The following TLX3 variants were observed in gnomAD, a reference collection of about 807,000 sequenced individuals.
TLX3 encodes T-cell leukemia homeobox protein 3.
A neutral mutation model predicts 19.6 loss-of-function variants in TLX3; 11 were observed. The ratio of observed to expected loss-of-function variants is 0.56; its 90% CI spans 0.35 to 0.93. TLX3 has a LOEUF of 0.93. Ranked by LOEUF, TLX3 falls within the 40% of genes least tolerant of loss-of-function variation. The pLI, the probability that TLX3 is intolerant of heterozygous loss-of-function variation, is 0.01. For missense variants in TLX3, 375 were observed against 418.6 expected (o/e 0.90, Z 0.91); for synonymous variants, 221 against 188.1 (o/e 1.17, Z -1.43).
In TLX3 at chr5:171,309,517, G is replaced by A. The variant is rs200774344; in HGVS notation, c.152G>A (p.Arg51His). 546 of 1,564,258 alleles carry A rather than the reference G, an allele frequency of 3.5e-4. 4 individuals are homozygous for A. The African/African-American group carries it at 6.5e-3, about 19-fold the overall frequency. The part of the protein sequence containing the change: ...ASYLGGPPGG[R>H]PGATYPSLPA... Reference sequence around the variant, plus strand: ...TACCTGGGAGGGCCCCCCGGGGGCCGTCCGGGCGCCACATACCCGTCTCTG... The same window carrying A: ...TACCTGGGAGGGCCCCCCGGGGGCCATCCGGGCGCCACATACCCGTCTCTG... Residue 51 changes from arginine to histidine, a missense_variant, in exon 1 of 3, where the codon CGT (arginine) becomes CAT (histidine). This residue lies in a region of TLX3 where 239 missense variants were observed against 217.0 expected (regional missense o/e 1.10). Transcript: ENST00000296921.
Position 171,309,976 on chromosome 5 carries a change from G to A in TLX3, c.422-174G>A, listed in dbSNP as rs572661577. On this transcript the variant is annotated intron_variant, in intron 1 of 2. Transcript: ENST00000296921. ...TGCAGGAAAATAAGCCCGTGCCCGG[G>A]GGAAGGGACAGGGGGCGAGGGGGTC... Among the ~76,000 whole-genome samples, 467 of 152,378 alleles carry A rather than the reference G, an allele frequency of 3.1e-3. 4 individuals are homozygous for A. The highest frequency in any genetic ancestry group is 0.011 in the African/African-American group (448 of 41,594).
Position 171,310,317 on chromosome 5 carries a change from G to T in TLX3, c.589G>T (p.Ala197Ser). ...GAAGTACCTGGCCTCTGCCGAGAGG[G>T]CGGCGCTCGCCAAGTCCCTCAAAAT... ...RQKYLASAER[A>S]ALAKSLKMTD... The change falls in exon 2 of 3, where the codon GCG becomes TCG. Residue 197 changes from alanine to serine, a missense_variant. Transcript: ENST00000296921. 2 of 1,609,366 alleles carry T rather than the reference G, an allele frequency of 1.2e-6. No individual in the cohort carries two copies. Among genetic ancestry groups the T allele is most frequent in the Non-Finnish European group, 1.7e-6 (2 of 1,178,034 alleles).
chr5:171,311,573 G>C lies in TLX3; in HGVS notation c.850G>C (p.Val284Leu). ...GCCCTGGGAGGAGGATAGTTCCAAG[G>C]TTCCCGCTGTCACCTCCCTGGTGTG... ...LQPWEEDSSK[V>L]PAVTSLV is the part of the protein sequence containing the mutation. The change falls in exon 3 of 3, where the codon GTT becomes CTT. Residue 284 changes from valine to leucine, a missense_variant. This residue lies in a region of TLX3 where 62 missense variants were observed against 63.1 expected (regional missense o/e 0.98). Coordinates refer to ENST00000296921, the MANE Select transcript of TLX3 (RefSeq NM_021025.4). The surrounding 1 kb of genome is among the most constrained non-coding windows in gnomAD (Gnocchi z 5.1). 1 of 1,611,776 alleles carries C rather than the reference G, an allele frequency of 6.2e-7. No individual in the cohort carries two copies. Among genetic ancestry groups the C allele is most frequent in the Non-Finnish European group, 8.5e-7 (1 of 1,179,200 alleles).
chr5:171,309,870 A>C (rs1581210487), intron 1 of TLX3, 84 bp downstream of exon 1: 17 of 1,450,272 alleles, frequency 1.2e-5, no homozygotes, highest in Non-Finnish European at 1.3e-5. Flanking sequence ...ACTCCCGGAA[A>C]CCATTTCAGA....
Position 171,310,253 on chromosome 5 carries a change from G to A in TLX3, c.525G>A (p.Arg175=), listed in dbSNP as rs528740194. ...KRKKPRTSFS[R]VQICELEKRF... ...AGAAGCCGCGCACGTCCTTTTCCCG[G>A]GTGCAGATCTGCGAGCTGGAAAAGC... Residue 175 remains arginine (R), a synonymous_variant, in exon 2 of 3, where the codon CGG becomes CGA. Transcript: ENST00000296921. The A allele has an allele frequency of 1.5e-5, 23 of 1,570,916 alleles. No homozygotes were observed. In the African/African-American group the frequency reaches 1.8e-4, roughly 12 times the overall value.
At chr5:171,310,578 G>A (rs1285415140) in intron 2 of TLX3, among the ~76,000 whole-genome samples, 185 bp downstream of exon 2, 1 of 143,346 alleles carries the variant, frequency 7.0e-6, no homozygotes, top group African/African-American at 2.6e-5. Flanking sequence ...TCGCTGGCCT[G>A]TGCTTCTCTC....
intron 1 of TLX3, 47 bp downstream of exon 1, chr5:171,309,833 C>T: frequency 6.6e-7 from 1 of 1,504,750 alleles, no homozygotes; most frequent in East Asian, 2.3e-5. Context: ...CCTCTCGGGG[C>T]CAGAGGCGCC....
In TLX3 at chr5:171,311,684, C is replaced by A. The variant is rs1294298580; in HGVS notation, c.*85C>A. 8.1e-6 allele frequency: 9 copies of A among 1,115,114 alleles called. No homozygotes were observed. In the Admixed American group the frequency reaches 2.1e-4, roughly 26 times the overall value. 69.1% of individuals were successfully genotyped at this position (1,115,114 alleles called of 1,614,324 possible). ...CCCCCCAGGCGGGCTGCGGGGGAAC[C>A]GGCGCCGAGAGGGGAAGGGGCCGCC... On this transcript the variant is annotated 3_prime_UTR_variant, in exon 3 of 3. Transcript: ENST00000296921. This position sits in a 1 kb window ranked among gnomAD's most constrained non-coding sequence, Gnocchi z 5.1.
In TLX3 at chr5:171,311,190, GCA is replaced by G. The variant is rs1448521603; in HGVS notation, c.666-194_666-193del. On this transcript the variant is annotated intron_variant, in intron 2 of 2. Transcript: ENST00000296921. The surrounding 1 kb of genome is among the most constrained non-coding windows in gnomAD (Gnocchi z 5.1). ...AGAGTCCCCTCCTGGAGACCCTCTG[GCA>G]CACAACAAAAACAAATGATCCTAAC... is the stretch of plus-strand genomic sequence containing the variant. Among the ~76,000 whole-genome samples the G allele has an allele frequency of 6.6e-6, 1 of 152,202 alleles. No homozygotes were observed. Among genetic ancestry groups the G allele is most frequent in the Admixed American group, 6.5e-5 (1 of 15,288 alleles).
chr5:171,310,568 T>A (rs922263994), intron 2 of TLX3, among the ~76,000 whole-genome samples, 175 bp downstream of exon 2: 18 of 138,502 alleles, frequency 1.3e-4, no homozygotes, highest in African/African-American at 4.8e-4. Flanking sequence ...TTCACCCTTC[T>A]CGCTGGCCTG....
At position 171,310,299 on chromosome 5, in the gene TLX3, C is replaced by T. The variant is rs766434206; in HGVS notation, c.571C>T (p.Leu191=). The T allele has an allele frequency of 1.2e-6, 2 of 1,603,156 alleles. No individual in the cohort carries two copies. The highest frequency in any genetic ancestry group is 3.4e-5 in the Admixed American group (2 of 58,582). Residue 191 remains leucine (L), a synonymous_variant, in exon 2 of 3, where the codon CTG becomes TTG. Transcript: ENST00000296921. ...LEKRFHRQKY[L]ASAERAALAK... Reference sequence around the variant, plus strand: ...AAAGCGCTTCCATCGCCAGAAGTACCTGGCCTCTGCCGAGAGGGCGGCGCT... The same window carrying T: ...AAAGCGCTTCCATCGCCAGAAGTACTTGGCCTCTGCCGAGAGGGCGGCGCT...
chr5:171,309,497 G>T lies in TLX3; in HGVS notation c.132G>T (p.Leu44=). 1 of 1,580,500 alleles carries T rather than the reference G, an allele frequency of 6.3e-7. No individual in the cohort carries two copies. Among genetic ancestry groups the T allele is most frequent in the Non-Finnish European group, 8.6e-7 (1 of 1,165,586 alleles). The part of the protein sequence containing the change: ...APRGPDGASY[L]GGPPGGRPGA... ...GGGGCCCCGACGGCGCCAGCTACCT[G>T]GGAGGGCCCCCCGGGGGCCGTCCGG... Residue 44 remains leucine (L), a synonymous_variant, in exon 1 of 3, where the codon CTG becomes CTT. Coordinates refer to ENST00000296921, the MANE Select transcript of TLX3 (RefSeq NM_021025.4).
At chr5:171,310,643 G>T (rs536264797) in intron 2 of TLX3, among the ~76,000 whole-genome samples, 22 of 149,658 alleles carry the variant, frequency 1.5e-4, no homozygotes, top group African/African-American at 4.9e-4. Flanking sequence ...CCCATCTTTC[G>T]TGAGCCCCTC....
Position 171,311,642 on chromosome 5 carries a change from C to T in TLX3, c.*43C>T. 4.7e-6 allele frequency: 7 copies of T among 1,499,496 alleles called. No homozygotes were observed. Among genetic ancestry groups the T allele is most frequent in the Non-Finnish European group, 6.4e-6 (7 of 1,099,828 alleles). 92.9% of individuals were successfully genotyped at this position (1,499,496 alleles called of 1,614,324 possible). ...GTCGCCACGGATCGCCGCCCCCACC[C>T]AGCCGGGCGCCCCGGACCCCCCAGG... On this transcript the variant is annotated 3_prime_UTR_variant, in exon 3 of 3. Transcript: ENST00000296921. The surrounding 1 kb of genome is among the most constrained non-coding windows in gnomAD (Gnocchi z 5.1).
At position 171,310,182 on chromosome 5, in the gene TLX3, C is replaced by G; in HGVS notation, c.454C>G (p.Arg152Gly). 6.4e-7 allele frequency: 1 copy of G among 1,551,768 alleles called. No homozygotes were observed. Among genetic ancestry groups the G allele is most frequent in the South Asian group, 1.2e-5 (1 of 84,116 alleles). The change falls in exon 2 of 3, where the codon CGG (arginine) becomes GGG (glycine). Residue 152 changes from arginine to glycine, a missense_variant. Coordinates refer to ENST00000296921, the MANE Select transcript of TLX3 (RefSeq NM_021025.4). Reference sequence around the variant, plus strand: ...CGCACTCACGCCCTTCACCGTGACCCGGCGCATCGGCCACCCCTACCAGAA... The same window carrying G: ...CGCACTCACGCCCTTCACCGTGACCGGGCGCATCGGCCACCCCTACCAGAA... Reference protein sequence around the residue: ...AAALTPFTVTRRIGHPYQNRT... With the variant: ...AAALTPFTVTGRIGHPYQNRT...
chr5:171,309,271 T>G lies in TLX3; in HGVS notation c.-95T>G. 1.8e-6 allele frequency: 2 copies of G among 1,103,150 alleles called. No homozygotes were observed. Among genetic ancestry groups the G allele is most frequent in the Non-Finnish European group, 2.5e-6 (2 of 813,050 alleles). The allele number at this position is 1,103,150 out of a possible 1,614,324, so 68.3% of individuals were successfully genotyped here. On this transcript the variant is annotated 5_prime_UTR_variant, in exon 1 of 3. Transcript: ENST00000296921. ...CCGCGCACTCTTGGCAAAGTTTCAG[T>G]GCGACGAGAGGCGCCGGGCGCTCCA...
At chr5:171,310,504 T>A in intron 2 of TLX3, 111 bp downstream of exon 2, 2 of 1,227,454 alleles carry the variant, frequency 1.6e-6, no homozygotes, top group Non-Finnish European at 2.1e-6. Flanking sequence ...CCCGCCCCCC[T>A]CTGCCTCCCC....
intron 2 of TLX3, 117 bp downstream of exon 2, chr5:171,310,510 TC>T: frequency 2.6e-6 from 3 of 1,169,214 alleles, no homozygotes; most frequent in South Asian, 3.2e-5. Context: ...CCCCTCTGCC[TC>T]CCCCAAACAC....
intron 1 of TLX3, 27 bp downstream of exon 1, chr5:171,309,813 A>C: frequency 6.4e-7 from 1 of 1,552,364 alleles, no homozygotes; most frequent in Non-Finnish European, 8.7e-7. Flanking sequence ...ACCAGGCTCC[A>C]GGCCTCCGCC....
Sources: gnomAD v4.1 joint callset for allele counts (sites outside exome capture counted in the v4.1 genomes callset) on GRCh38, gnomAD v4.1.1 for gene constraint, gnomAD v4.1.1 regional missense constraint, Gnocchi (gnomAD v3.1) non-coding constraint, MANE v1.5 for transcripts, NCBI Gene and HGNC (gene_info 2026-07-23, HGNC 2026-07-21) for gene names.